MGAT4C: variants seen among roughly 807,000 people sequenced by gnomAD.
MGAT4C encodes alpha-1,3-mannosyl-glycoprotein 4-beta-N-acetylglucosaminyltransferase C.
In MGAT4C, 19 loss-of-function variants were observed where a neutral mutation model predicts 40.1. The observed-to-expected ratio is 0.47, with a 90% CI of 0.33 to 0.70. MGAT4C has a LOEUF of 0.70. Among genes scored for constraint, MGAT4C ranks in the 30% least tolerant of loss-of-function variants. The pLI is 0.02. For synonymous variants in MGAT4C, 181 were observed against 187.1 expected (o/e 0.97, Z 0.27); for missense variants, 491 against 563.2 (o/e 0.87, Z 1.30).
Position 86,704,006 on chromosome 12 carries a change from G to A in MGAT4C, c.-229+23203C>T, listed in dbSNP as rs1260424118. ...ACACAACTGTTTTAGACCACAATTTGCTTAAAGTAACCAAGGACAGTATGA... is the reference window on the plus strand; with the variant it reads ...ACACAACTGTTTTAGACCACAATTTACTTAAAGTAACCAAGGACAGTATGA... On this transcript the variant is annotated intron_variant, in intron 2 of 7. Transcript: ENST00000548651. 2.0e-5 allele frequency among the ~76,000 whole-genome samples: 3 copies of A among 152,164 alleles called. No individual in the cohort carries two copies. In the East Asian group the frequency reaches 5.8e-4, roughly 29 times the overall value.
chr12:86,697,397 C>G (rs192417569), intron 2 of MGAT4C, among the ~76,000 whole-genome samples: 1 of 151,930 alleles, frequency 6.6e-6, no homozygotes, highest in East Asian at 1.9e-4. Flanking sequence ...ACAGTTGTAA[C>G]CTAAATTTTT....
At chr12:85,994,208 A>T (rs556830508) in intron 2 of MGAT4C, among the ~76,000 whole-genome samples, 2 of 152,368 alleles carry the variant, frequency 1.3e-5, no homozygotes, top group East Asian at 1.9e-4. Flanking sequence ...AAGAGTTGAC[A>T]AAGAAATACA....
intron 1 of MGAT4C, among the ~76,000 whole-genome samples, chr12:86,075,733 C>T (rs1005889562): frequency 8.5e-5 from 13 of 152,210 alleles, no homozygotes; most frequent in South Asian, 8.3e-4. Context: ...CTCAGCACCA[C>T]GTGCAGGCTT....
chr12:86,363,313 T>C (rs1225258096), intron 3 of MGAT4C, among the ~76,000 whole-genome samples: 2 of 152,080 alleles, frequency 1.3e-5, no homozygotes, highest in Non-Finnish European at 2.9e-5. Flanking sequence ...TAGAAAATTG[T>C]CTATAAAGAT....
intron 2 of MGAT4C, among the ~76,000 whole-genome samples, chr12:86,719,193 C>G (rs573735655): frequency 6.6e-6 from 1 of 152,176 alleles, no homozygotes; most frequent in African/African-American, 2.4e-5. Flanking sequence ...TATACTTTCA[C>G]TACGTGCAAA....
intron 2 of MGAT4C, among the ~76,000 whole-genome samples, chr12:86,646,195 T>A (rs1963539483): frequency 6.6e-6 from 1 of 151,870 alleles, no homozygotes; most frequent in African/African-American, 2.4e-5. Flanking sequence ...ATATAAAATC[T>A]ATTAGCGAAG....
chr12:86,691,149 C>T (rs1950166559), intron 2 of MGAT4C, among the ~76,000 whole-genome samples: 1 of 152,132 alleles, frequency 6.6e-6, no homozygotes, highest in African/African-American at 2.4e-5. Flanking sequence ...CTTACTACTT[C>T]CGTTTACTGG....
chr12:86,185,967 C>T (rs957064367), intron 1 of MGAT4C, among the ~76,000 whole-genome samples: 1 of 152,086 alleles, frequency 6.6e-6, no homozygotes, highest in Non-Finnish European at 1.5e-5. Context: ...CAGATAATCA[C>T]TCAGTCTTGA....
intron 1 of MGAT4C, among the ~76,000 whole-genome samples, chr12:86,164,999 T>C (rs1886030095): frequency 6.6e-6 from 1 of 152,136 alleles, no homozygotes; most frequent in South Asian, 2.1e-4. Flanking sequence ...GGACATATGG[T>C]TGTTAAAATG....
chr12:86,614,516 G>A (rs1422871700), intron 2 of MGAT4C, among the ~76,000 whole-genome samples: 2 of 151,818 alleles, frequency 1.3e-5, no homozygotes, highest in Non-Finnish European at 2.9e-5. Context: ...ACAATTGTGT[G>A]GTAACATGTC....
intron 1 of MGAT4C, among the ~76,000 whole-genome samples, chr12:86,235,105 T>A (rs1951477783): frequency 6.6e-6 from 1 of 152,078 alleles, no homozygotes; most frequent in African/African-American, 2.4e-5. Context: ...AGTTCATACA[T>A]CTTCATAGGT....
intron 3 of MGAT4C, among the ~76,000 whole-genome samples, chr12:86,392,176 A>T (rs1394305172): frequency 6.6e-6 from 1 of 152,118 alleles, no homozygotes; most frequent in Non-Finnish European, 1.5e-5. Context: ...GAAGAGCAAG[A>T]ATTAGGTAAT....
At chr12:86,213,868 T>G (rs1950573815) in intron 1 of MGAT4C, among the ~76,000 whole-genome samples, 1 of 152,242 alleles carries the variant, frequency 6.6e-6, no homozygotes, top group African/African-American at 2.4e-5. Context: ...TCTGTATCTT[T>G]ATGTGACTGC....
intron 2 of MGAT4C, among the ~76,000 whole-genome samples, chr12:86,491,306 T>A (rs1229397098): frequency 2.6e-5 from 4 of 152,082 alleles, no homozygotes; most frequent in African/African-American, 9.7e-5. Flanking sequence ...GAGGCCAGCA[T>A]CATCTTGATA....
intron 1 of MGAT4C, among the ~76,000 whole-genome samples, chr12:86,254,238 T>A (rs1445246564): frequency 1.3e-5 from 2 of 151,962 alleles, no homozygotes; most frequent in Non-Finnish European, 1.5e-5. Flanking sequence ...AAAAAACTTT[T>A]TGTGAAATGA....
At chr12:86,627,493 T>TA (rs1555212885) in intron 2 of MGAT4C, among the ~76,000 whole-genome samples, 1 of 152,128 alleles carries the variant, frequency 6.6e-6, no homozygotes, top group Non-Finnish European at 1.5e-5. Flanking sequence ...TTCATACAGC[T>TA]GGTGCCCCTC....
At position 86,499,486 on chromosome 12, in the gene MGAT4C, C is replaced by CA. The variant is rs556700213; in HGVS notation, c.-228-64222dup. 7.6e-3 allele frequency among the ~76,000 whole-genome samples: 1,152 copies of CA among 151,702 alleles called. 5 individuals carry two copies. The highest frequency in any genetic ancestry group is 0.027 in the Middle Eastern group (8 of 294). Reference sequence around the variant, plus strand: ...GTCTAAGTGAGAAAACAAAACAAAACAAAAAACCTCTCTTTGGCTTAAGGC... The same window carrying CA: ...GTCTAAGTGAGAAAACAAAACAAAACAAAAAAACCTCTCTTTGGCTTAAGGC... On this transcript the variant is annotated intron_variant, in intron 2 of 7. Transcript: ENST00000548651.
intron 1 of MGAT4C, among the ~76,000 whole-genome samples, chr12:86,123,522 C>T (rs1352659100): frequency 1.3e-5 from 2 of 152,016 alleles, no homozygotes; most frequent in Admixed American, 6.6e-5. Context: ...ACTATATTTG[C>T]TATACTGGAG....
chr12:86,659,339 C>A (rs1041730879), intron 2 of MGAT4C, among the ~76,000 whole-genome samples: 2 of 151,938 alleles, frequency 1.3e-5, no homozygotes, highest in African/African-American at 2.4e-5. Context: ...GGTGGAAATT[C>A]TCCCAAAATG....
Sources: allele counts gnomAD v4.1 joint callset (sites outside exome capture counted in the v4.1 genomes callset), GRCh38; gene constraint gnomAD v4.1.1; transcripts MANE v1.5; gene names NCBI Gene and HGNC (gene_info 2026-07-23, HGNC 2026-07-21).